ATP9B: variants seen among roughly 807,000 people sequenced by gnomAD.
ATP9B encodes probable phospholipid-transporting ATPase IIB.
ATP9B carries 110 observed loss-of-function variants against 146.1 expected under a neutral mutation model. The ratio of observed to expected loss-of-function variants is 0.75; its 90% CI spans 0.65 to 0.88. The LOEUF (loss-of-function observed/expected upper bound fraction) is 0.88. Among genes scored for constraint, ATP9B ranks in the 40% least tolerant of loss-of-function variants. ATP9B has a pLI of 0.00. For missense variants in ATP9B, 1,499 were observed against 1,496.4 expected (o/e 1.00, Z -0.03); for synonymous variants, 604 against 569.7 (o/e 1.06, Z -0.86).
chr18:79,247,201 G>T (rs2095976463), intron 11 of ATP9B, among the ~76,000 whole-genome samples: 1 of 152,166 alleles, frequency 6.6e-6, no homozygotes, highest in South Asian at 2.1e-4. Flanking sequence ...ACTTTGCGAA[G>T]GTTCTAATAT....
rs147138333 is a variant in ATP9B at position 79,172,643 on chromosome 18, G to A, written c.779-4170G>A. On this transcript the variant is annotated intron_variant, in intron 7 of 29. Coordinates refer to ENST00000426216, the MANE Select transcript of ATP9B (RefSeq NM_198531.5). ...GATTACAGGCGTAGCCACCGTGCCCGCCTAGAGACTTTTTCTGCTTAGCAC... is the reference window on the plus strand; with the variant it reads ...GATTACAGGCGTAGCCACCGTGCCCACCTAGAGACTTTTTCTGCTTAGCAC... Among the ~76,000 whole-genome samples the A allele has an allele frequency of 4.5e-4, 68 of 151,834 alleles. 1 individual carries two copies. Among genetic ancestry groups the A allele is most frequent in the South Asian group, 2.1e-3 (10 of 4,808 alleles).
intron 12 of ATP9B, chr18:79,254,945 CTA>C (rs887867473): frequency 2.9e-4 from 43 of 148,042 alleles, no homozygotes; most frequent in African/African-American, 1.1e-3. Flanking sequence ...GTGTAGATCT[CTA>C]TGACATTCAT....
chr18:79,084,537 TAA>T (rs11311887), intron 1 of ATP9B, among the ~76,000 whole-genome samples: 5 of 137,234 alleles, frequency 3.6e-5, no homozygotes, highest in African/African-American at 7.9e-5. Context: ...AGAGTAAAAG[TAA>T]AAAAAAAAAA....
intron 8 of ATP9B, among the ~76,000 whole-genome samples, chr18:79,177,795 G>A (rs2095197124): frequency 6.6e-6 from 1 of 152,192 alleles, no homozygotes; most frequent in African/African-American, 2.4e-5. Flanking sequence ...TTTGAAAATT[G>A]TCCAAGCTGC....
rs115195491 is a variant in ATP9B, at chr18:79,372,693, A to G, written c.3013-132A>G. On this transcript the variant is annotated intron_variant, in intron 26 of 29. Coordinates refer to ENST00000426216, the MANE Select transcript of ATP9B (RefSeq NM_198531.5). ...AAGGCGCCCGAAATGCTGGTAGACC[A>G]GGTGGCTGGGGTGGCATGGATGGGG... 669 of 730,354 alleles carry G rather than the reference A, an allele frequency of 9.2e-4. 1 individual carries two copies. In the African/African-American group the frequency reaches 0.01, roughly 11 times the overall value. 45.2% of individuals were successfully genotyped at this position (730,354 alleles called of 1,614,324 possible). A position where few individuals can be genotyped will look rare whatever the true frequency, so the allele number is the denominator to read the frequency against.
intron 5 of ATP9B, among the ~76,000 whole-genome samples, chr18:79,128,917 C>T (rs1258695225): frequency 1.3e-5 from 2 of 152,158 alleles, no homozygotes; most frequent in Non-Finnish European, 2.9e-5. Flanking sequence ...AAAGCTTTTT[C>T]CCCACAATTG....
chr18:79,211,762 T>C (rs2095586067), intron 10 of ATP9B, among the ~76,000 whole-genome samples: 1 of 152,134 alleles, frequency 6.6e-6, no homozygotes, highest in African/African-American at 2.4e-5. Context: ...TAAGAACTGG[T>C]TTGTTGTTGT....
At position 79,256,286 on chromosome 18, in the gene ATP9B, T is replaced by TATATATATATAC. The variant is rs398033647; in HGVS notation, c.1268+2746_1268+2747insTATATATATACA. 5.2e-4 allele frequency among the ~76,000 whole-genome samples: 64 copies of TATATATATATAC among 123,062 alleles called. 2 individuals carry two copies. The highest frequency in any genetic ancestry group is 2.0e-3 in the African/African-American group (61 of 30,760). 80.7% of individuals were successfully genotyped at this position (123,062 alleles called of 152,430 possible). A position where few individuals can be genotyped will look rare whatever the true frequency, so the allele number is the denominator to read the frequency against. ...ATATATATATATATATATATATATA[T>TATATATATATAC]ACATACATAGTGAGGCTATGTTATT... On this transcript the variant is annotated intron_variant, in intron 12 of 29. Coordinates refer to ENST00000426216, the MANE Select transcript of ATP9B (RefSeq NM_198531.5).
chr18:79,318,153 A>G (rs1379587900), intron 15 of ATP9B, among the ~76,000 whole-genome samples: 3 of 152,268 alleles, frequency 2.0e-5, no homozygotes, highest in Non-Finnish European at 4.4e-5. Flanking sequence ...AGGATCATGT[A>G]TGTAGCTACT....
At chr18:79,190,587 A>G (rs1417509556) in intron 8 of ATP9B, among the ~76,000 whole-genome samples, 1 of 151,646 alleles carries the variant, frequency 6.6e-6, no homozygotes, top group Non-Finnish European at 1.5e-5. Flanking sequence ...TCTGTCACCC[A>G]GGCTGGAGTG....
intron 2 of ATP9B, among the ~76,000 whole-genome samples, chr18:79,101,423 T>C (rs1191668070): frequency 6.6e-6 from 1 of 152,214 alleles, no homozygotes; most frequent in African/African-American, 2.4e-5. Context: ...GTGAGAGCCA[T>C]CCAAGCTGTT....
intron 6 of ATP9B, 26 bp downstream of exon 6, chr18:79,143,886 G>T: frequency 6.9e-7 from 1 of 1,450,312 alleles, no homozygotes; most frequent in South Asian, 1.3e-5. Context: ...ATATATTTTA[G>T]ACCTATGTAT....
At chr18:79,318,917 T>G (rs1181998046) in intron 15 of ATP9B, among the ~76,000 whole-genome samples, 3 of 152,210 alleles carry the variant, frequency 2.0e-5, no homozygotes, top group African/African-American at 7.2e-5. Flanking sequence ...CAGAACGAGG[T>G]GACCACTCTG....
chr18:79,089,717 C>T (rs548553323), intron 1 of ATP9B, among the ~76,000 whole-genome samples: 9 of 152,156 alleles, frequency 5.9e-5, no homozygotes, highest in African/African-American at 7.2e-5. Context: ...ATGATGGAAT[C>T]GGGTAATTGG....
chr18:79,103,400 TATC>T (rs2075428389), intron 2 of ATP9B, among the ~76,000 whole-genome samples: 1 of 152,140 alleles, frequency 6.6e-6, no homozygotes, highest in South Asian at 2.1e-4. Context: ...GCAGAGTCCT[TATC>T]ATTGTGGTGA....
chr18:79,253,040 C>A (rs2096045047), intron 11 of ATP9B, among the ~76,000 whole-genome samples: 1 of 152,204 alleles, frequency 6.6e-6, no homozygotes, highest in South Asian at 2.1e-4. Context: ...TCTGTGTTCC[C>A]CTGCTGCGCG....
chr18:79,234,317 T>A (rs1246013722), intron 11 of ATP9B, among the ~76,000 whole-genome samples: 1 of 152,236 alleles, frequency 6.6e-6, no homozygotes, highest in Non-Finnish European at 1.5e-5. Context: ...AAATTTAGAA[T>A]GTGAAATTCC....
intron 5 of ATP9B, among the ~76,000 whole-genome samples, chr18:79,127,708 T>C (rs1483567668): frequency 6.6e-6 from 1 of 152,234 alleles, no homozygotes; most frequent in Non-Finnish European, 1.5e-5. Context: ...TGTTTTCATT[T>C]ATCTTGGATA....
chr18:79,203,575 A>C lies in ATP9B; in HGVS notation c.955-3362A>C, dbSNP rs73971514. 5.2e-3 allele frequency among the ~76,000 whole-genome samples: 796 copies of C among 152,312 alleles called. 12 individuals carry two copies. The highest frequency in any genetic ancestry group is 0.017 in the African/African-American group (725 of 41,562). On this transcript the variant is annotated intron_variant, in intron 9 of 29. Coordinates refer to ENST00000426216, the MANE Select transcript of ATP9B (RefSeq NM_198531.5). The stretch of plus-strand genomic sequence containing the variant: ...GTTTATTGGACAATGTTCATTGCCT[A>C]TTCTGTGCTAGGTGCTAGGAAGGTA...
Sources: gnomAD v4.1 joint callset for allele counts (sites outside exome capture counted in the v4.1 genomes callset) on GRCh38, gnomAD v4.1.1 for gene constraint, MANE v1.5 for transcripts, NCBI Gene and HGNC (gene_info 2026-07-23, HGNC 2026-07-21) for gene names.